The following USP50 variants were observed in gnomAD, a reference collection of about 807,000 sequenced individuals.
USP50 encodes the protein ubiquitin carboxyl-terminal hydrolase 50.
A neutral mutation model predicts 39.2 loss-of-function variants in USP50; 37 were observed. The ratio of observed to expected loss-of-function variants is 0.94; its 90% confidence interval spans 0.73 to 1.24. USP50 has a LOEUF of 1.24. USP50 is among the 50% of genes most tolerant of loss of function. The pLI is 0.00. For synonymous variants in USP50, 139 were observed against 144.5 expected, an observed-to-expected ratio of 0.96 and a Z score of 0.27; for missense variants, 374 against 398.2, an observed-to-expected ratio of 0.94 and a Z score of 0.52.
intron 5 of USP50, among the ~76,000 whole-genome samples, chr15:50,538,142 T>G (rs1199847078): frequency 6.7e-6 from 1 of 149,696 alleles, no homozygotes; most frequent in South Asian, 2.1e-4. Context: ...CTGGGTGCGG[T>G]GGCGTGCACC....
At chr15:50,543,853 C>T (rs1456511494) in intron 2 of USP50, 60 bp from the exon 3 acceptor site, 1 of 1,507,274 alleles carries the variant, frequency 6.6e-7, no homozygotes, top group Admixed American at 1.9e-5. Context: ...CACCTAATCA[C>T]CCAAGCCTAG....
chr15:50,493,659 C>A (rs1291959161), downstream of USP50: 7 of 372,878 alleles, frequency 1.9e-5, no homozygotes, highest in Non-Finnish European at 3.7e-5. Flanking sequence ...GTGGGAGGAT[C>A]ACCTGAGCCC....
At chr15:50,512,191 A>G (rs2141353441) in intron 6 of USP50, 1 of 151,376 alleles carries the variant, frequency 6.6e-6, no homozygotes, top group Non-Finnish European at 1.5e-5. Context: ...TACTAAAAAT[A>G]CAAAAATACA....
chr15:50,493,381 T>C (rs1257752495), downstream of USP50: 1 of 519,426 alleles, frequency 1.9e-6, no homozygotes. Flanking sequence ...AAGAACCCAT[T>C]TTACCTTTCA....
intron 6 of USP50, chr15:50,510,656 C>T (rs925178878): frequency 2.0e-5 from 3 of 152,042 alleles, no homozygotes; most frequent in South Asian, 4.1e-4. Context: ...GTTAGATATA[C>T]GTGTGTATAG....
At chr15:50,530,803 A>G (rs2052934733) in intron 5 of USP50, among the ~76,000 whole-genome samples, 1 of 152,172 alleles carries the variant, frequency 6.6e-6, no homozygotes, top group African/African-American at 2.4e-5. Flanking sequence ...TGGGGGAAGC[A>G]GAAACCCCAT....
At chr15:50,494,455 C>T (rs1300376895) in intron 1 of USP50, among the ~76,000 whole-genome samples, 2 of 152,126 alleles carry the variant, frequency 1.3e-5, no homozygotes, top group Non-Finnish European at 2.9e-5. Flanking sequence ...GAAGCATATA[C>T]AGTTGGTATT....
At chr15:50,499,529 G>T (rs2052537548), downstream of USP50, 1 of 152,260 alleles carries the variant, frequency 6.6e-6, no homozygotes, top group Non-Finnish European at 1.5e-5. Context: ...TCAAATCGAT[G>T]TACATAGTTT....
chr15:50,524,738 G>C (rs972606686), intron 6 of USP50, among the ~76,000 whole-genome samples: 1 of 152,192 alleles, frequency 6.6e-6, no homozygotes, highest in Non-Finnish European at 1.5e-5. Context: ...GCCAGGTGTG[G>C]TAACACATGC....
chr15:50,500,692 C>T lies in USP50; in HGVS notation c.*77G>A. On this transcript the variant is annotated 3_prime_UTR_variant, in exon 7 of 7. Coordinates refer to ENST00000532404, the MANE Select transcript of USP50 (RefSeq NM_203494.5). ...TATTGGTATGGAAAAGGGCTGGCAG[C>T]TATAGAACAGGAGATCCATAGCATT... 1 of 1,400,290 alleles carries T rather than the reference C, an allele frequency of 7.1e-7. No homozygotes were observed. Among genetic ancestry groups the T allele is most frequent in the South Asian group, 1.2e-5 (1 of 80,726 alleles). 86.7% of individuals were successfully genotyped at this position (1,400,290 alleles called of 1,614,324 possible).
At chr15:50,541,949 T>C (rs2053032780) in intron 3 of USP50, among the ~76,000 whole-genome samples, 1 of 151,652 alleles carries the variant, frequency 6.6e-6, no homozygotes, top group South Asian at 2.1e-4. Flanking sequence ...GCATGGTGGC[T>C]AACATCTGTA....
downstream of USP50, chr15:50,498,383 G>C: frequency 1.9e-6 from 1 of 536,688 alleles, no homozygotes; most frequent in Non-Finnish European, 3.1e-6. Context: ...TTGACCTTAG[G>C]CACATCATTA....
intron 5 of USP50, among the ~76,000 whole-genome samples, chr15:50,530,290 A>G (rs2052930075): frequency 2.6e-5 from 4 of 151,668 alleles, no homozygotes; most frequent in Admixed American, 1.3e-4. Flanking sequence ...CTCTAAAAAA[A>G]AGGAACTTCT....
Position 50,543,864 on chromosome 15 carries a change from G to T in USP50, c.249-71C>A, listed in dbSNP as rs2053050134. 2.9e-5 allele frequency: 42 copies of T among 1,456,518 alleles called. No homozygotes were observed. In the South Asian group the frequency reaches 4.1e-4, roughly 14 times the overall value. 90.2% of individuals were successfully genotyped at this position (1,456,518 alleles called of 1,614,324 possible). On this transcript the variant is annotated intron_variant, in intron 2 of 6. Transcript: ENST00000532404. ...AAGGCACCTAATCACCCAAGCCTAG[G>T]AAATTAGTCTCAAAATGGAAGAACG...
intron 6 of USP50, chr15:50,513,978 C>T (rs534732295): frequency 2.0e-5 from 3 of 152,252 alleles, no homozygotes; most frequent in African/African-American, 7.2e-5. Context: ...TTATAGCAAC[C>T]CTCTTTGCAT....
At chr15:50,498,128 T>C (rs16963752), downstream of USP50, among the ~76,000 whole-genome samples, 1,986 of 152,316 alleles carry the variant, frequency 0.013, 51 homozygotes, top group African/African-American at 0.046. Context: ...ATCATTGTTT[T>C]GATGTTTAAA....
chr15:50,495,017 TAAAAAAA>T (rs34381291), intron 1 of USP50, among the ~76,000 whole-genome samples: 10 of 113,534 alleles, frequency 8.8e-5, no homozygotes, highest in Non-Finnish European at 9.3e-5. Context: ...AGACTCTTTC[TAAAAAAA>T]AAAAAAAAAA....
intron 5 of USP50, among the ~76,000 whole-genome samples, chr15:50,533,219 AGGGACTGT>A (rs2052955860): frequency 6.6e-6 from 1 of 151,676 alleles, no homozygotes; most frequent in South Asian, 2.1e-4. Flanking sequence ...AACAATATCC[AGGGACTGT>A]GGGACAACTA....
intron 6 of USP50, among the ~76,000 whole-genome samples, chr15:50,517,104 A>G (rs2052809601): frequency 6.6e-6 from 1 of 152,230 alleles, no homozygotes; most frequent in Non-Finnish European, 1.5e-5. Flanking sequence ...GCAACAGAAT[A>G]AACATTATTC....
Sources: gnomAD v4.1 joint callset for allele counts (sites outside exome capture counted in the v4.1 genomes callset) on GRCh38, gnomAD v4.1.1 for gene constraint, MANE v1.5 for transcripts, NCBI Gene and HGNC (gene_info 2026-07-23, HGNC 2026-07-21) for gene names.